The following OXR1 variants were observed in gnomAD, a reference collection of about 807,000 sequenced individuals.
The protein encoded by OXR1 is oxidation resistance 1, also known as oxidation resistance protein 1.
OXR1 carries 41 observed loss-of-function variants against 104.6 expected under a neutral mutation model. The ratio of observed to expected loss-of-function variants is 0.39; its 90% confidence interval spans 0.31 to 0.51. The LOEUF (loss-of-function observed/expected upper bound fraction) is 0.51. Among genes scored for constraint, OXR1 ranks in the 20% least tolerant of loss-of-function variants. The pLI is 0.77. For missense variants in OXR1, 955 were observed against 1,031.9 expected (o/e 0.93, Z 1.02); for synonymous variants, 348 against 348.4 (o/e 1.00, Z 0.01).
intron 3 of OXR1, among the ~76,000 whole-genome samples, chr8:106,608,565 A>AT (rs1387640626): frequency 2.3e-4 from 35 of 152,124 alleles, no homozygotes; most frequent in Non-Finnish European, 1.5e-5. Context: ...TTTGAAAAGG[A>AT]TGGGTTCTGA....
chr8:106,597,333 G>A (rs560401897), intron 3 of OXR1, among the ~76,000 whole-genome samples: 1 of 152,250 alleles, frequency 6.6e-6, no homozygotes, highest in East Asian at 1.9e-4. Context: ...GATGATGTCT[G>A]CCTGTGAGAA....
intron 2 of OXR1, among the ~76,000 whole-genome samples, chr8:106,459,146 A>G (rs545723036): frequency 3.8e-4 from 58 of 152,236 alleles, no homozygotes; most frequent in South Asian, 1.5e-3. Context: ...CCCAAAGTTC[A>G]TGTGTTGGAA....
At chr8:106,400,831 A>G (rs1563755590) in intron 2 of OXR1, among the ~76,000 whole-genome samples, 1 of 152,174 alleles carries the variant, frequency 6.6e-6, no homozygotes, top group East Asian at 1.9e-4. Flanking sequence ...TGCTGGGTAG[A>G]TTATGACAGA....
At chr8:106,311,596 G>T (rs975924031) in intron 1 of OXR1, among the ~76,000 whole-genome samples, 1 of 152,128 alleles carries the variant, frequency 6.6e-6, no homozygotes, top group Non-Finnish European at 1.5e-5. Context: ...AGCTGCTATT[G>T]TCTTACTGGG....
chr8:106,359,578 T>C lies in OXR1; in HGVS notation c.-36T>C, dbSNP rs897500352. 3 of 1,536,484 alleles carry C rather than the reference T, an allele frequency of 2.0e-6. No individual in the cohort carries two copies. Among genetic ancestry groups the C allele is most frequent in the African/African-American group, 1.4e-5 (1 of 72,856 alleles). ...GACTTGACCTGCTAATTTCCTGTTCTGGAATCGAGAGAAGACTCCTCAACA... is the reference window on the plus strand; with the variant it reads ...GACTTGACCTGCTAATTTCCTGTTCCGGAATCGAGAGAAGACTCCTCAACA... On this transcript the variant is annotated 5_prime_UTR_variant, in exon 2 of 17. Transcript: ENST00000517566.
rs180736636 is a variant in OXR1 at position 106,441,524 on chromosome 8, G to A, written c.24-77419G>A. Among the ~76,000 whole-genome samples the A allele has an allele frequency of 2.1e-3, 316 of 152,242 alleles. 2 individuals carry two copies. Among genetic ancestry groups the A allele is most frequent in the African/African-American group, 7.1e-3 (297 of 41,566 alleles). ...CTTTGGGCAGTATGGCCATTTTCAC[G>A]ACATTGATTTTTCCTATCCATGAGG... On this transcript the variant is annotated intron_variant, in intron 2 of 16. Coordinates refer to ENST00000517566, the MANE Select transcript of OXR1 (RefSeq NM_001198533.2).
At chr8:106,486,476 C>A (rs1435156933) in intron 2 of OXR1, among the ~76,000 whole-genome samples, 1 of 151,976 alleles carries the variant, frequency 6.6e-6, no homozygotes, top group South Asian at 2.1e-4. Flanking sequence ...GTAAAAATTT[C>A]CAGAGTCTAC....
intron 3 of OXR1, among the ~76,000 whole-genome samples, chr8:106,547,223 C>T (rs1815429906): frequency 6.6e-6 from 1 of 152,146 alleles, no homozygotes; most frequent in African/African-American, 2.4e-5. Context: ...AGTTCAGTGG[C>T]ATGAAGTACA....
At chr8:106,519,367 C>T (rs1813088756) in intron 3 of OXR1, among the ~76,000 whole-genome samples, 1 of 152,168 alleles carries the variant, frequency 6.6e-6, no homozygotes, top group Admixed American at 6.5e-5. Flanking sequence ...TATATCCTAA[C>T]CTAGGGGAAG....
At chr8:106,651,200 G>T (rs1453931133) in intron 3 of OXR1, among the ~76,000 whole-genome samples, 1 of 152,098 alleles carries the variant, frequency 6.6e-6, no homozygotes, top group Non-Finnish European at 1.5e-5. Flanking sequence ...TTAGCAAAAT[G>T]GCTTGAAACT....
chr8:106,702,750 G>A (rs959599707), intron 7 of OXR1, among the ~76,000 whole-genome samples, 156 bp from the exon 8 acceptor site: 7 of 152,046 alleles, frequency 4.6e-5, no homozygotes, highest in African/African-American at 1.7e-4. Context: ...GGAAAACTTG[G>A]GTTTTAATAA....
chr8:106,625,415 G>T (rs1196367571), intron 3 of OXR1, among the ~76,000 whole-genome samples: 4 of 152,132 alleles, frequency 2.6e-5, no homozygotes, highest in Non-Finnish European at 4.4e-5. Context: ...GTATAACTAA[G>T]GGCTCATTAT....
At chr8:106,343,534 A>C (rs1212460355) in intron 1 of OXR1, among the ~76,000 whole-genome samples, 1 of 152,244 alleles carries the variant, frequency 6.6e-6, no homozygotes, top group Non-Finnish European at 1.5e-5. Context: ...CAACTTTAAC[A>C]TATAGCAAGA....
Position 106,282,481 on chromosome 8 carries a change from T to C in OXR1, c.-139+12114T>C, listed in dbSNP as rs945962213. Among the ~76,000 whole-genome samples the C allele has an allele frequency of 1.2e-4, 19 of 152,290 alleles. No individual in the cohort carries two copies. In the East Asian group the frequency reaches 2.1e-3, roughly 17 times the overall value. On this transcript the variant is annotated intron_variant, in intron 1 of 16. Coordinates refer to ENST00000517566, the MANE Select transcript of OXR1 (RefSeq NM_001198533.2). ...TGCCCCACAGTTGAAAATACACATA[T>C]AACATTCGACCCCTCAAAAACTTAA...
At chr8:106,693,445 T>TC (rs1276646929) in intron 7 of OXR1, among the ~76,000 whole-genome samples, 5 of 149,788 alleles carry the variant, frequency 3.3e-5, no homozygotes, top group African/African-American at 1.2e-4. Flanking sequence ...TTTTTTTTTT[T>TC]TGAGATGAAG....
intron 3 of OXR1, among the ~76,000 whole-genome samples, chr8:106,647,200 C>A (rs983527447): frequency 6.6e-6 from 1 of 152,080 alleles, no homozygotes; most frequent in Non-Finnish European, 1.5e-5. Flanking sequence ...GGACAATTTT[C>A]AGAATTGAAA....
chr8:106,546,235 G>A (rs1815347899), intron 3 of OXR1, among the ~76,000 whole-genome samples: 1 of 152,106 alleles, frequency 6.6e-6, no homozygotes, highest in South Asian at 2.1e-4. Context: ...AGATACCTCT[G>A]GCATGTAATT....
At chr8:106,288,576 A>G (rs1812600933) in intron 1 of OXR1, among the ~76,000 whole-genome samples, 1 of 142,168 alleles carries the variant, frequency 7.0e-6, no homozygotes, top group Non-Finnish European at 1.5e-5. Context: ...TATGGTGTGT[A>G]TATGTATATA....
At chr8:106,463,156 G>T (rs1200585590) in intron 2 of OXR1, among the ~76,000 whole-genome samples, 1 of 151,948 alleles carries the variant, frequency 6.6e-6, no homozygotes, top group African/African-American at 2.4e-5. Context: ...GGAGAACACA[G>T]AAAAAATTAT....
Sources: allele counts gnomAD v4.1 joint callset (sites outside exome capture counted in the v4.1 genomes callset), GRCh38; gene constraint gnomAD v4.1.1; transcripts MANE v1.5; gene names NCBI Gene and HGNC (gene_info 2026-07-23, HGNC 2026-07-21).